COBL: variants seen among roughly 807,000 people sequenced by gnomAD.
COBL encodes cordon-bleu WH2 repeat protein.
COBL carries 51 observed loss-of-function variants against 98.8 expected under a neutral mutation model. The observed-to-expected ratio is 0.52, with a 90% confidence interval of 0.41 to 0.65. The LOEUF (loss-of-function observed/expected upper bound fraction) is 0.65. Among genes scored for constraint, COBL ranks in the 30% least tolerant of loss-of-function variants. The pLI is 0.00. For missense variants in COBL, 1,617 were observed against 1,617.5 expected, an observed-to-expected ratio of 1.00 and a Z score of 0.01; for synonymous variants, 634 against 651.7, an observed-to-expected ratio of 0.97 and a Z score of 0.41.
At chr7:51,218,560 G>A (rs1022487775) in intron 2 of COBL, among the ~76,000 whole-genome samples, 3 of 152,158 alleles carry the variant, frequency 2.0e-5, no homozygotes, top group African/African-American at 7.2e-5. Context: ...TGCAACCTCT[G>A]TCTCCTGGGT....
rs757056518 is a variant in COBL at position 51,045,425 on chromosome 7, C to T, written c.1097-1733G>A. ...CAGCTTCTGAAGGGACAGACACGTA[C>T]GCAAAGAATGACAGTGCTGTATGGT... On this transcript the variant is annotated intron_variant, in intron 7 of 12. Coordinates refer to ENST00000265136, the MANE Select transcript of COBL (RefSeq NM_015198.5). 1.3e-3 allele frequency among the ~76,000 whole-genome samples: 201 copies of T among 152,110 alleles called. 1 individual carries two copies. Among genetic ancestry groups the T allele is most frequent in the African/African-American group, 4.3e-3 (180 of 41,504 alleles).
At chr7:51,146,699 A>G (rs112009378) in intron 5 of COBL, among the ~76,000 whole-genome samples, 4,644 of 152,078 alleles carry the variant, frequency 0.031, 236 homozygotes, top group African/African-American at 0.11. Flanking sequence ...GGAAGCTGGG[A>G]GAGTTAGAAA....
At chr7:51,315,271 A>AAG (rs1554471871) in intron 1 of COBL, among the ~76,000 whole-genome samples, 27 of 151,882 alleles carry the variant, frequency 1.8e-4, no homozygotes, top group South Asian at 4.2e-4. Flanking sequence ...AAAAAAAAAA[A>AAG]AGAGAGAGAG....
intron 7 of COBL, among the ~76,000 whole-genome samples, chr7:51,050,785 G>A (rs552176649): frequency 2.0e-5 from 3 of 152,254 alleles, no homozygotes; most frequent in Non-Finnish European, 4.4e-5. Context: ...TAGTCTCTTG[G>A]AAGTGCCAGT....
chr7:51,139,948 T>C (rs2129010637), intron 5 of COBL, among the ~76,000 whole-genome samples: 1 of 152,304 alleles, frequency 6.6e-6, no homozygotes, highest in East Asian at 1.9e-4. Context: ...GGCCACTGCT[T>C]GCCTGCAAGA....
At chr7:51,036,996 C>T (rs1321196860) in intron 8 of COBL, among the ~76,000 whole-genome samples, 1 of 152,134 alleles carries the variant, frequency 6.6e-6, no homozygotes, top group Non-Finnish European at 1.5e-5. Flanking sequence ...AGTGCTAGTT[C>T]CACTGTTCCT....
intron 1 of COBL, among the ~76,000 whole-genome samples, chr7:51,277,891 A>T (rs1184136218): frequency 1.3e-5 from 2 of 152,164 alleles, no homozygotes; most frequent in African/African-American, 4.8e-5. Context: ...CCACCCAACA[A>T]TATTCCCAAG....
At chr7:51,061,011 A>G (rs1791297551) in intron 7 of COBL, among the ~76,000 whole-genome samples, 1 of 152,180 alleles carries the variant, frequency 6.6e-6, no homozygotes, top group East Asian at 1.9e-4. Context: ...CCCTGACCCA[A>G]TCCAGGTAGT....
chr7:51,308,886 C>T (rs963381338), intron 1 of COBL, among the ~76,000 whole-genome samples: 1 of 152,212 alleles, frequency 6.6e-6, no homozygotes, highest in Non-Finnish European at 1.5e-5. Flanking sequence ...TACCACTGGC[C>T]TTTAAGATTA....
intron 1 of COBL, among the ~76,000 whole-genome samples, chr7:51,226,536 GAGTGAGTGAGTAAGTGAGTGACTA>G (rs796548240): frequency 6.6e-6 from 1 of 151,924 alleles, no homozygotes; most frequent in Non-Finnish European, 1.5e-5. Context: ...GTGAGTGAGT[GAGTGAGTGAGTAAGTGAGTGACTA>G]AGTGAGTGAG....
intron 7 of COBL, among the ~76,000 whole-genome samples, chr7:51,055,288 C>T (rs1429514521): frequency 6.6e-6 from 1 of 152,204 alleles, no homozygotes; most frequent in Non-Finnish European, 1.5e-5. Context: ...ATAGCATGTC[C>T]TTCCAGCTTG....
intron 1 of COBL, among the ~76,000 whole-genome samples, chr7:51,254,028 G>A (rs1051326154): frequency 1.5e-4 from 23 of 150,898 alleles, no homozygotes; most frequent in Non-Finnish European, 3.4e-4. Context: ...TTTTTATGTT[G>A]GATACCTCAT....
At position 51,176,154 on chromosome 7, in the gene COBL, T is replaced by G. The variant is rs1214686132; in HGVS notation, c.783+7948A>C. The stretch of plus-strand genomic sequence containing the variant: ...GCTCTGGGTCTTGTGAGGACTGTGT[T>G]GCACCTCTTTGGAGATACTTGGCAA... On this transcript the variant is annotated intron_variant, in intron 5 of 12. Coordinates refer to ENST00000265136, the MANE Select transcript of COBL (RefSeq NM_015198.5). Among the ~76,000 whole-genome samples the G allele has an allele frequency of 2.6e-5, 4 of 152,190 alleles. No homozygotes were observed. The East Asian group carries it at 5.8e-4, about 22-fold the overall frequency.
At chr7:51,294,854 CTTAT>C (rs1801267920) in intron 1 of COBL, among the ~76,000 whole-genome samples, 1 of 151,996 alleles carries the variant, frequency 6.6e-6, no homozygotes, top group Non-Finnish European at 1.5e-5. Context: ...ACTGGTATCA[CTTAT>C]TTAAAGTTAT....
intron 1 of COBL, among the ~76,000 whole-genome samples, chr7:51,281,719 A>G (rs1799833676): frequency 6.6e-6 from 1 of 152,182 alleles, no homozygotes; most frequent in Admixed American, 6.5e-5. Flanking sequence ...AGTGAAACAA[A>G]GATATTCTCA....
intron 1 of COBL, among the ~76,000 whole-genome samples, chr7:51,237,057 C>A (rs984380113): frequency 2.3e-5 from 3 of 130,116 alleles, no homozygotes; most frequent in African/African-American, 4.9e-5. Flanking sequence ...CAGTTTCTCC[C>A]TGACTGCTTC....
chr7:51,144,023 T>C (rs1562961132), intron 5 of COBL, among the ~76,000 whole-genome samples: 1 of 152,206 alleles, frequency 6.6e-6, no homozygotes, highest in Non-Finnish European at 1.5e-5. Flanking sequence ...GAACTATTTT[T>C]CAAGTGATCT....
chr7:51,040,856 T>G (rs1422082718), intron 8 of COBL, among the ~76,000 whole-genome samples: 1 of 152,214 alleles, frequency 6.6e-6, no homozygotes, highest in Non-Finnish European at 1.5e-5. Context: ...CCCTCATTAT[T>G]TGGATAGAAA....
At chr7:51,171,864 T>C (rs1024650753) in intron 5 of COBL, among the ~76,000 whole-genome samples, 5 of 152,124 alleles carry the variant, frequency 3.3e-5, no homozygotes, top group African/African-American at 1.2e-4. Flanking sequence ...ATCAAGAAAA[T>C]ATAAACTTTC....
Sources: allele counts gnomAD v4.1 joint callset (sites outside exome capture counted in the v4.1 genomes callset), GRCh38; gene constraint gnomAD v4.1.1; transcripts MANE v1.5; gene names NCBI Gene and HGNC (gene_info 2026-07-23, HGNC 2026-07-21).